Variants in DOCK1 observed in about 807,000 individuals in gnomAD.
DOCK1 encodes dedicator of cytokinesis protein 1.
A neutral mutation model predicts 262.7 loss-of-function variants in DOCK1; 138 were observed. That is an observed-to-expected ratio of 0.53 (90% CI 0.46 to 0.61). DOCK1 has a LOEUF of 0.61. Among genes scored for constraint, DOCK1 ranks in the 20% least tolerant of loss-of-function variants. The pLI is 0.00. For synonymous variants in DOCK1, 866 were observed against 867.4 expected (o/e 1.00, Z 0.03); for missense variants, 1,908 against 2,370.7 (o/e 0.80, Z 4.05).
At chr10:126,924,887 TTAA>T (rs2033562294) in intron 1 of DOCK1, among the ~76,000 whole-genome samples, 1 of 152,356 alleles carries the variant, frequency 6.6e-6, no homozygotes, top group African/African-American at 2.4e-5. Context: ...GGACAAACTT[TTAA>T]TAATTGTGGC....
intron 27 of DOCK1, chr10:127,137,278 C>T (rs1280550897): frequency 6.5e-6 from 1 of 152,794 alleles, no homozygotes; most frequent in African/African-American, 2.4e-5. Flanking sequence ...GGCAAATATA[C>T]ATATAGTCAC....
intron 28 of DOCK1, among the ~76,000 whole-genome samples, chr10:127,251,623 C>T (rs112336112): frequency 6.9e-6 from 1 of 145,536 alleles, no homozygotes; most frequent in East Asian, 2.1e-4. Flanking sequence ...TGAGTGAGAA[C>T]ATGCGGTGTT....
At position 127,176,654 on chromosome 10, in the gene DOCK1, C is replaced by A. The variant is rs985063213; in HGVS notation, c.2847+48890C>A. 6.6e-6 allele frequency among the ~76,000 whole-genome samples: 1 copy of A among 152,162 alleles called. No homozygotes were observed. The highest frequency in any genetic ancestry group is 2.4e-5 in the African/African-American group (1 of 41,412). On this transcript the variant is annotated intron_variant, in intron 27 of 51. Transcript: ENST00000623213. This position sits in a 1 kb window ranked among gnomAD's most constrained non-coding sequence, Gnocchi z 4.4. Reference sequence around the variant, plus strand: ...ACTCGCTTTCCTTTTGACAGTAATGCATGTTTCCCCATTAGACAAACCTGT... The same window carrying A: ...ACTCGCTTTCCTTTTGACAGTAATGAATGTTTCCCCATTAGACAAACCTGT...
chr10:127,387,655 C>T (rs2066204448), intron 38 of DOCK1, among the ~76,000 whole-genome samples: 2 of 152,194 alleles, frequency 1.3e-5, no homozygotes, highest in African/African-American at 4.8e-5. Flanking sequence ...GATAGAACCT[C>T]ACGCGTCAAT....
intron 47 of DOCK1, among the ~76,000 whole-genome samples, chr10:127,430,042 G>C (rs75874381): frequency 0.017 from 2,521 of 152,192 alleles, 62 homozygotes; most frequent in African/African-American, 0.052. Flanking sequence ...ATAACCCCAA[G>C]ATGCCATCGT....
intron 16 of DOCK1, among the ~76,000 whole-genome samples, chr10:127,028,743 TGTGA>T (rs1420059962): frequency 1.3e-5 from 2 of 152,200 alleles, no homozygotes; most frequent in Non-Finnish European, 2.9e-5. Context: ...CGTGGCAGCC[TGTGA>T]GTATCACATG....
At chr10:127,213,336 T>C (rs1191231707) in intron 27 of DOCK1, among the ~76,000 whole-genome samples, 2 of 152,216 alleles carry the variant, frequency 1.3e-5, no homozygotes, top group African/African-American at 4.8e-5. Context: ...CAGTGATATG[T>C]TCTAATGCTT....
At chr10:127,203,899 ATT>A (rs112984062) in intron 27 of DOCK1, among the ~76,000 whole-genome samples, 66 of 144,828 alleles carry the variant, frequency 4.6e-4, no homozygotes, top group African/African-American at 1.4e-3. Flanking sequence ...CACAATTTTG[ATT>A]TTTTTTTTTT....
chr10:127,036,333 C>T (rs144966093), intron 18 of DOCK1, among the ~76,000 whole-genome samples: 104 of 152,262 alleles, frequency 6.8e-4, no homozygotes, highest in African/African-American at 2.5e-3. Flanking sequence ...TAACTCTTCC[C>T]TTTGTCAGCT....
At chr10:126,933,220 A>G (rs1278004734) in intron 1 of DOCK1, among the ~76,000 whole-genome samples, 2 of 152,140 alleles carry the variant, frequency 1.3e-5, no homozygotes, top group Non-Finnish European at 2.9e-5. Context: ...TTTTAGGGGA[A>G]ACAAATGTTT....
In DOCK1 at chr10:127,152,526, A is replaced by G. The variant is rs1253181753; in HGVS notation, c.2847+24762A>G. 2.6e-5 allele frequency among the ~76,000 whole-genome samples: 4 copies of G among 152,232 alleles called. No individual in the cohort carries two copies. The East Asian group carries it at 7.7e-4, about 29-fold the overall frequency. On this transcript the variant is annotated intron_variant, in intron 27 of 51. Transcript: ENST00000623213. ...TACCAGCTTGTGTGTGCCTCTTACA[A>G]CACTCTAAGGTGGGGGTGGTTTCAG...
intron 27 of DOCK1, chr10:127,192,518 T>G (rs2056830277): frequency 6.6e-6 from 1 of 152,224 alleles, no homozygotes; most frequent in Non-Finnish European, 1.5e-5. Context: ...TTTATACACC[T>G]CAAAGTCCCT....
chr10:126,933,395 G>C (rs969339724), intron 1 of DOCK1, among the ~76,000 whole-genome samples: 1 of 152,140 alleles, frequency 6.6e-6, no homozygotes, highest in African/African-American at 2.4e-5. Flanking sequence ...AGAGGGGTAA[G>C]GAAGAAGCCA....
intron 27 of DOCK1, among the ~76,000 whole-genome samples, chr10:127,140,734 C>T (rs2051160046): frequency 6.7e-6 from 1 of 150,122 alleles, no homozygotes; most frequent in South Asian, 2.1e-4. Context: ...AACGGTCTGG[C>T]CAACTCTGGC....
At chr10:127,229,541 T>A (rs2058764098) in intron 27 of DOCK1, among the ~76,000 whole-genome samples, 1 of 152,210 alleles carries the variant, frequency 6.6e-6, no homozygotes, top group South Asian at 2.1e-4. Flanking sequence ...CAGGTCCATC[T>A]ATGTTGTTCC....
intron 28 of DOCK1, among the ~76,000 whole-genome samples, chr10:127,250,867 TGTG>T (rs1303154025): frequency 6.6e-6 from 1 of 150,426 alleles, no homozygotes; most frequent in Non-Finnish European, 1.5e-5. Flanking sequence ...CTGGAAAGTA[TGTG>T]AACTTTTTTA....
chr10:127,208,083 A>C (rs1320476299), intron 27 of DOCK1, among the ~76,000 whole-genome samples: 1 of 152,160 alleles, frequency 6.6e-6, no homozygotes, highest in Non-Finnish European at 1.5e-5. Flanking sequence ...CTGGCAGGGG[A>C]TATGGTGAAG....
At chr10:127,270,933 AT>A (rs2135175920) in intron 29 of DOCK1, among the ~76,000 whole-genome samples, 1 of 151,044 alleles carries the variant, frequency 6.6e-6, no homozygotes, top group Admixed American at 6.6e-5. Context: ...AATTATCATT[AT>A]TTTCTCTTGT....
chr10:127,027,385 G>A (rs2042942566), intron 16 of DOCK1, among the ~76,000 whole-genome samples: 1 of 152,160 alleles, frequency 6.6e-6, no homozygotes, highest in African/African-American at 2.4e-5. Flanking sequence ...CTTGAGCCCC[G>A]GAGTTTGAGA....
Sources: gnomAD v4.1 joint callset for allele counts (sites outside exome capture counted in the v4.1 genomes callset) on GRCh38, gnomAD v4.1.1 for gene constraint, Gnocchi (gnomAD v3.1) non-coding constraint, MANE v1.5 for transcripts, NCBI Gene and HGNC (gene_info 2026-07-23, HGNC 2026-07-21) for gene names.